The following OPN3 variants were observed in gnomAD, a reference collection of about 807,000 sequenced individuals.
OPN3 encodes the protein opsin 3.
Under a neutral mutation model 33.8 loss-of-function variants are expected in OPN3, and 29 were observed. The ratio of observed to expected loss-of-function variants is 0.86; its 90% CI spans 0.64 to 1.17. The LOEUF is 1.17. Ranked by LOEUF, OPN3 falls within the 50% of genes most tolerant of loss-of-function variation. The pLI, the probability that OPN3 is intolerant of heterozygous loss-of-function variation, is 0.00. For synonymous variants in OPN3, 216 were observed against 216.1 expected (o/e 1.00, Z 0.00); for missense variants, 437 against 514.1 (o/e 0.85, Z 1.45).
chr1:241,626,430 T>C (rs1244578746), intron 1 of OPN3, among the ~76,000 whole-genome samples: 4 of 67,452 alleles, frequency 5.9e-5, no homozygotes, highest in Non-Finnish European at 1.1e-4. Context: ...TTTTGCTTTT[T>C]ACTTTTCTAT....
chr1:241,611,346 C>T (rs947971542), intron 1 of OPN3, among the ~76,000 whole-genome samples: 2 of 151,972 alleles, frequency 1.3e-5, no homozygotes, highest in African/African-American at 4.8e-5. Flanking sequence ...GAAACCCATG[C>T]CTTCAAGGAG....
chr1:241,619,553 C>A (rs1664222819), intron 1 of OPN3, among the ~76,000 whole-genome samples: 1 of 152,210 alleles, frequency 6.6e-6, no homozygotes, highest in South Asian at 2.1e-4. Context: ...CACAGCATAT[C>A]ATAAAATGGC....
At chr1:241,621,604 G>A (rs1573961136) in intron 1 of OPN3, among the ~76,000 whole-genome samples, 1 of 152,150 alleles carries the variant, frequency 6.6e-6, no homozygotes, top group African/African-American at 2.4e-5. Context: ...TGGTGTTAAG[G>A]AAAACACAGC....
intron 1 of OPN3, chr1:241,613,893 T>G (rs1276364167): frequency 6.6e-6 from 1 of 152,170 alleles, no homozygotes; most frequent in Non-Finnish European, 1.5e-5. Context: ...TCAGGTCCGG[T>G]GTGGTGGCTC....
chr1:241,595,529 A>T (rs1663480851), intron 3 of OPN3: 1 of 152,228 alleles, frequency 6.6e-6, no homozygotes, highest in African/African-American at 2.4e-5. Flanking sequence ...GACCAGTAAA[A>T]CATAAATCAA....
intron 1 of OPN3, among the ~76,000 whole-genome samples, chr1:241,608,036 A>G (rs993087399): frequency 1.3e-5 from 2 of 152,212 alleles, no homozygotes; most frequent in Admixed American, 6.5e-5. Context: ...ACATAAGTTG[A>G]CGCTAATGAA....
intron 1 of OPN3, among the ~76,000 whole-genome samples, chr1:241,607,234 G>T (rs1444477434): frequency 6.6e-6 from 1 of 152,142 alleles, no homozygotes; most frequent in African/African-American, 2.4e-5. Context: ...ATGGTATAAG[G>T]CTGGGCGTGG....
chr1:241,630,370 T>C (rs971534670), intron 1 of OPN3: 3 of 152,100 alleles, frequency 2.0e-5, no homozygotes, highest in Non-Finnish European at 2.9e-5. Flanking sequence ...TATGTAGTTA[T>C]ATAACTTTCT....
At chr1:241,628,368 C>T (rs1032205973) in intron 1 of OPN3, among the ~76,000 whole-genome samples, 1 of 152,062 alleles carries the variant, frequency 6.6e-6, no homozygotes, top group African/African-American at 2.4e-5. Context: ...AATTCATAAC[C>T]CACAGTAGGT....
chr1:241,621,890 TG>T (rs1664277158), intron 1 of OPN3, among the ~76,000 whole-genome samples: 1 of 152,178 alleles, frequency 6.6e-6, no homozygotes, highest in South Asian at 2.1e-4. Context: ...GATCAACTTC[TG>T]GGGAGAGGCA....
At chr1:241,625,339 AATTTGATTAATTT>A (rs1212982987) in intron 1 of OPN3, among the ~76,000 whole-genome samples, 2 of 152,154 alleles carry the variant, frequency 1.3e-5, no homozygotes, top group Non-Finnish European at 2.9e-5. Context: ...ATATATGTGT[AATTTGATTAATTT>A]GCCAATAGTC....
chr1:241,632,527 GT>G (rs1664681762), intron 1 of OPN3: 1 of 152,112 alleles, frequency 6.6e-6, no homozygotes, highest in Admixed American at 6.5e-5. Flanking sequence ...GGAAAAGCAA[GT>G]TCATGTCTTC....
chr1:241,636,041 C>G, intron 1 of OPN3: 1 of 473,674 alleles, frequency 2.1e-6, no homozygotes, highest in Non-Finnish European at 3.7e-6. Context: ...TGTCAAAATG[C>G]ATCATATATG....
intron 2 of OPN3, among the ~76,000 whole-genome samples, chr1:241,603,545 G>A (rs1229268245): frequency 6.6e-6 from 1 of 152,052 alleles, no homozygotes; most frequent in Non-Finnish European, 1.5e-5. Context: ...ACTGATCTAG[G>A]GATTTTGTCT....
chr1:241,640,365 G>A lies in OPN3; in HGVS notation c.-111C>T, dbSNP rs1665083168. On this transcript the variant is annotated 5_prime_UTR_variant, in exon 1 of 4. Coordinates refer to ENST00000366554, the MANE Select transcript of OPN3 (RefSeq NM_014322.3). ...CTCCGCCGCCTGCTCTAGCCATTGTGCACTGAGGGGCCCGCGCTACCGCGC... is the reference window on the plus strand; with the variant it reads ...CTCCGCCGCCTGCTCTAGCCATTGTACACTGAGGGGCCCGCGCTACCGCGC... 5 of 1,013,386 alleles carry A rather than the reference G, an allele frequency of 4.9e-6. No individual in the cohort carries two copies. Among genetic ancestry groups the A allele is most frequent in the Non-Finnish European group, 4.8e-6 (4 of 841,392 alleles). The allele number at this position is 1,013,386 out of a possible 1,614,324, so 62.8% of individuals were successfully genotyped here.
chr1:241,635,423 T>C (rs1664853400), intron 1 of OPN3: 2 of 1,614,030 alleles, frequency 1.2e-6, no homozygotes, highest in Non-Finnish European at 8.5e-7. Flanking sequence ...AGCACCAATC[T>C]CTTCAACGTT....
intron 1 of OPN3, among the ~76,000 whole-genome samples, chr1:241,607,297 C>A (rs1473377833): frequency 6.6e-6 from 1 of 152,052 alleles, no homozygotes; most frequent in Admixed American, 6.6e-5. Context: ...GGCAGACCAC[C>A]TGAGGTCAGG....
rs1663445512 is a variant in OPN3, at chr1:241,594,707, A to G, written c.946-16T>C. On this transcript the variant is annotated splice_polypyrimidine_tract_variant and intron_variant, in intron 3 of 3. Coordinates refer to ENST00000366554, the MANE Select transcript of OPN3 (RefSeq NM_014322.3). Reference sequence around the variant, plus strand: ...ATCTTCGAAACTGGGCAGAGAAAAAATAAAGTGGAATATTAAGTAAAAGTT... The same window carrying G: ...ATCTTCGAAACTGGGCAGAGAAAAAGTAAAGTGGAATATTAAGTAAAAGTT... The G allele has an allele frequency of 6.2e-7, 1 of 1,607,136 alleles. No individual in the cohort carries two copies. Among genetic ancestry groups the G allele is most frequent in the Non-Finnish European group, 8.5e-7 (1 of 1,176,950 alleles).
chr1:241,635,678 C>T (rs1304075424), intron 1 of OPN3: 2 of 1,614,074 alleles, frequency 1.2e-6, no homozygotes, highest in Non-Finnish European at 1.7e-6. Context: ...CCTCTGACCA[C>T]TTCTTGAACA....
Sources: allele counts gnomAD v4.1 joint callset (sites outside exome capture counted in the v4.1 genomes callset), GRCh38; gene constraint gnomAD v4.1.1; transcripts MANE v1.5; gene names NCBI Gene and HGNC (gene_info 2026-07-23, HGNC 2026-07-21).